Variants in TTC7B observed in about 807,000 individuals in gnomAD.
The protein encoded by TTC7B is tetratricopeptide repeat protein 7B.
TTC7B carries 28 observed loss-of-function variants against 106.8 expected under a neutral mutation model. That is an observed-to-expected ratio of 0.26 (90% CI 0.19 to 0.36). The LOEUF (loss-of-function observed/expected upper bound fraction) is 0.36. Ranked by LOEUF, TTC7B falls within the 10% of genes least tolerant of loss-of-function variation. TTC7B has a pLI of 1.00. For synonymous variants in TTC7B, 405 were observed against 430.6 expected, an observed-to-expected ratio of 0.94 and a Z score of 0.74; for missense variants, 862 against 1,076.4, an observed-to-expected ratio of 0.80 and a Z score of 2.79.
chr14:90,809,708 G>T (rs1160788334), intron 1 of TTC7B, among the ~76,000 whole-genome samples: 1 of 152,240 alleles, frequency 6.6e-6, no homozygotes, highest in Non-Finnish European at 1.5e-5. Flanking sequence ...CATGAAAGCC[G>T]AGCCAATTCA....
intron 15 of TTC7B, among the ~76,000 whole-genome samples, chr14:90,627,765 C>T (rs757905696): frequency 2.0e-5 from 3 of 152,174 alleles, no homozygotes; most frequent in African/African-American, 4.8e-5. Flanking sequence ...ATTTTTAGCA[C>T]GAACAAACAA....
At chr14:90,541,792 C>T (rs1056593612) in intron 19 of TTC7B, among the ~76,000 whole-genome samples, 1 of 152,182 alleles carries the variant, frequency 6.6e-6, no homozygotes, top group Non-Finnish European at 1.5e-5. Context: ...TATGAAATTG[C>T]CAATATTCAG....
In TTC7B at chr14:90,581,235, C is replaced by T. The variant is rs1045973811; in HGVS notation, c.2108-2927G>A. On this transcript the variant is annotated intron_variant, in intron 18 of 19. Transcript: ENST00000328459. Reference sequence around the variant, plus strand: ...GCAATTCCAGCACCATGCACTGAGCCCTGAAGGTGACCGCCCAGCCATGCC... The same window carrying T: ...GCAATTCCAGCACCATGCACTGAGCTCTGAAGGTGACCGCCCAGCCATGCC... Among the ~76,000 whole-genome samples, 454 of 152,288 alleles carry T rather than the reference C, an allele frequency of 3.0e-3. 7 individuals carry two copies. Among genetic ancestry groups the T allele is most frequent in the Non-Finnish European group, 3.8e-4 (26 of 68,028 alleles).
chr14:90,593,288 C>T (rs61987010), intron 18 of TTC7B, among the ~76,000 whole-genome samples, 198 bp downstream of exon 18: 2 of 152,212 alleles, frequency 1.3e-5, no homozygotes, highest in Non-Finnish European at 2.9e-5. Flanking sequence ...GGAGAGGGAT[C>T]GGGGGATACA....
intron 15 of TTC7B, among the ~76,000 whole-genome samples, chr14:90,632,768 T>C (rs1360525860): frequency 6.6e-6 from 1 of 152,280 alleles, no homozygotes; most frequent in African/African-American, 2.4e-5. Flanking sequence ...TTACTTAAAT[T>C]CTCTGTGCCT....
chr14:90,568,924 G>A (rs1036654730), intron 19 of TTC7B, among the ~76,000 whole-genome samples: 4 of 152,196 alleles, frequency 2.6e-5, no homozygotes, highest in Non-Finnish European at 5.9e-5. Flanking sequence ...AAGGATGTGA[G>A]GAAATAGCTT....
intron 17 of TTC7B, among the ~76,000 whole-genome samples, chr14:90,602,826 T>C (rs966202186): frequency 5.9e-5 from 9 of 152,180 alleles, no homozygotes; most frequent in Admixed American, 1.3e-4. Flanking sequence ...TTAGAATTGC[T>C]CTCCTATGCA....
intron 2 of TTC7B, among the ~76,000 whole-genome samples, chr14:90,782,928 G>A (rs891759168): frequency 1.1e-4 from 17 of 151,598 alleles, no homozygotes; most frequent in African/African-American, 4.1e-4. Flanking sequence ...TGTAAGTTAT[G>A]TATATTTTAC....
intron 7 of TTC7B, among the ~76,000 whole-genome samples, chr14:90,687,125 T>C (rs944576731): frequency 2.0e-5 from 3 of 152,094 alleles, no homozygotes; most frequent in South Asian, 2.1e-4. Flanking sequence ...ATCATGGCGA[T>C]GGATGCACAA....
intron 5 of TTC7B, among the ~76,000 whole-genome samples, chr14:90,711,179 G>A (rs1398373700): frequency 6.6e-6 from 1 of 152,276 alleles, no homozygotes; most frequent in Non-Finnish European, 1.5e-5. Context: ...CACCAGAGAT[G>A]TAAATATGTG....
At chr14:90,700,984 C>T (rs1304617607) in intron 5 of TTC7B, among the ~76,000 whole-genome samples, 1 of 151,902 alleles carries the variant, frequency 6.6e-6, no homozygotes, top group Admixed American at 6.6e-5. Context: ...AGTCCAGCTT[C>T]CCCCTCTGTA....
rs1395518980 is a variant in TTC7B at position 90,536,045 on chromosome 14, A to T, written c.*5323T>A. The T allele has an allele frequency of 6.5e-6, 1 of 154,086 alleles. No homozygotes were observed. Among genetic ancestry groups the T allele is most frequent in the Non-Finnish European group, 1.5e-5 (1 of 68,360 alleles). The allele number at this position is 154,086 out of a possible 1,614,324, so 9.5% of individuals were successfully genotyped here. A position where few individuals can be genotyped will look rare whatever the true frequency, so the allele number is the denominator to read the frequency against. On this transcript the variant is annotated 3_prime_UTR_variant, in exon 20 of 20. Transcript: ENST00000328459. Reference sequence around the variant, plus strand: ...CAGGGGCGGGGGCTCCACCCTATGAATCTGGGGGAGCAAAACTGCATCCCC... The same window carrying T: ...CAGGGGCGGGGGCTCCACCCTATGATTCTGGGGGAGCAAAACTGCATCCCC...
intron 12 of TTC7B, among the ~76,000 whole-genome samples, chr14:90,653,138 G>C (rs1319767753): frequency 6.6e-6 from 1 of 152,182 alleles, no homozygotes; most frequent in Non-Finnish European, 1.5e-5. Flanking sequence ...GTGTGAGTTG[G>C]GTGGTCACTC....
intron 1 of TTC7B, 31 bp from the exon 2 acceptor site, chr14:90,786,359 G>C (rs1595372407): frequency 1.2e-6 from 2 of 1,609,774 alleles, no homozygotes; most frequent in East Asian, 4.5e-5. Flanking sequence ...CAAAGTGGGA[G>C]CAAGGAATGG....
In TTC7B at chr14:90,670,730, T is replaced by A. The variant is rs576940985; in HGVS notation, c.1152+5793A>T. Among the ~76,000 whole-genome samples, 8 of 152,274 alleles carry A rather than the reference T, an allele frequency of 5.3e-5. No individual in the cohort carries two copies. In the East Asian group the frequency reaches 1.5e-3, roughly 29 times the overall value. ...CCAGGGGCCATGTCAGAGGCTGACA[T>A]TCTTTGGGGCAGGGTGTCATGAAAA... On this transcript the variant is annotated intron_variant, in intron 9 of 19. Transcript: ENST00000328459.
At chr14:90,708,433 T>C (rs537023501) in intron 5 of TTC7B, among the ~76,000 whole-genome samples, 1 of 152,326 alleles carries the variant, frequency 6.6e-6, no homozygotes, top group Non-Finnish European at 1.5e-5. Flanking sequence ...CAATGCTCAT[T>C]TACCATTTTG....
At chr14:90,584,234 C>T (rs1347329454) in intron 18 of TTC7B, among the ~76,000 whole-genome samples, 1 of 152,226 alleles carries the variant, frequency 6.6e-6, no homozygotes, top group African/African-American at 2.4e-5. Context: ...GAAGGTTTCT[C>T]TCTCAAGGTG....
rs79285549 is a variant in TTC7B, at chr14:90,721,965, C to G, written c.698+8110G>C. Among the ~76,000 whole-genome samples the G allele has an allele frequency of 9.0e-3, 1,373 of 152,348 alleles. 15 individuals carry two copies. The highest frequency in any genetic ancestry group is 0.012 in the Non-Finnish European group (800 of 68,026). Reference sequence around the variant, plus strand: ...AGTGATGGAAACAAATGCTCTCTAACAGCTGTTGGAGCTTCCGGATTTTCC... The same window carrying G: ...AGTGATGGAAACAAATGCTCTCTAAGAGCTGTTGGAGCTTCCGGATTTTCC... On this transcript the variant is annotated intron_variant, in intron 5 of 19. Coordinates refer to ENST00000328459, the MANE Select transcript of TTC7B (RefSeq NM_001010854.2).
Position 90,640,797 on chromosome 14 carries a change from T to G in TTC7B, c.1751+3251A>C, listed in dbSNP as rs150250139. ...ACCACAACTGTCTGAGATGGATATT[T>G]TATTATTCACATTTTGTAGATGAGG... On this transcript the variant is annotated intron_variant, in intron 15 of 19. Transcript: ENST00000328459. 5.4e-3 allele frequency among the ~76,000 whole-genome samples: 825 copies of G among 152,294 alleles called. 14 individuals carry two copies. Among genetic ancestry groups the G allele is most frequent in the African/African-American group, 0.019 (785 of 41,552 alleles).
Sources: gnomAD v4.1 joint callset for allele counts (sites outside exome capture counted in the v4.1 genomes callset) on GRCh38, gnomAD v4.1.1 for gene constraint, MANE v1.5 for transcripts, NCBI Gene and HGNC (gene_info 2026-07-23, HGNC 2026-07-21) for gene names.